ZSWIM5: variants seen among roughly 807,000 people sequenced by gnomAD.
ZSWIM5 encodes the protein zinc finger SWIM-type containing 5.
A neutral mutation model predicts 119.6 loss-of-function variants in ZSWIM5; 55 were observed. The observed-to-expected ratio is 0.46, with a 90% confidence interval of 0.37 to 0.58. The LOEUF (loss-of-function observed/expected upper bound fraction) is 0.58. Ranked by LOEUF, ZSWIM5 falls within the 20% of genes least tolerant of loss-of-function variation. The pLI, the probability that ZSWIM5 is intolerant of heterozygous loss-of-function variation, is 0.00. For missense variants in ZSWIM5, 1,193 were observed against 1,512.8 expected, an observed-to-expected ratio of 0.79 and a Z score of 3.51; for synonymous variants, 537 against 606.9, an observed-to-expected ratio of 0.88 and a Z score of 1.69.
intron 1 of ZSWIM5, among the ~76,000 whole-genome samples, chr1:45,194,770 G>A (rs1202103466): frequency 6.6e-6 from 1 of 151,876 alleles, no homozygotes; most frequent in African/African-American, 2.4e-5. Flanking sequence ...CCAGCTACTC[G>A]GGAGGCTGAG....
intron 1 of ZSWIM5, among the ~76,000 whole-genome samples, chr1:45,106,809 T>C (rs1645482770): frequency 1.3e-5 from 2 of 152,166 alleles, no homozygotes; most frequent in African/African-American, 4.8e-5. Context: ...AGAGATCAGA[T>C]TGTTACTGTG....
rs144136609 is a variant in ZSWIM5 at position 45,094,494 on chromosome 1, G to A, written c.596-6257C>T. 6.8e-3 allele frequency among the ~76,000 whole-genome samples: 1,035 copies of A among 152,170 alleles called. 11 individuals are homozygous for A. The highest frequency in any genetic ancestry group is 0.022 in the African/African-American group (924 of 41,534). On this transcript the variant is annotated intron_variant, in intron 1 of 13. Coordinates refer to ENST00000359600, the MANE Select transcript of ZSWIM5 (RefSeq NM_020883.2). ...GTGGTGGCTCATGCCTGTAATCCCA[G>A]CACTTTGGGAGCCCAAGGTGGGAGG... is the stretch of plus-strand genomic sequence containing the variant.
intron 1 of ZSWIM5, among the ~76,000 whole-genome samples, chr1:45,146,888 T>G (rs1645765165): frequency 6.6e-6 from 1 of 152,146 alleles, no homozygotes; most frequent in Non-Finnish European, 1.5e-5. Flanking sequence ...TGACCATCCT[T>G]GGTCCTACAT....
In ZSWIM5 at chr1:45,018,777, G is replaced by A. The variant is rs765171801; in HGVS notation, c.3235C>T (p.Arg1079Ter). ...CCAGGTGCAGTCACTGTGCAGCGTC[G>A]TAAGATGTCTGAAAGCACTGTGGCA... ...HCATVLSDIL[R>*]RCTVTAPGLA... Residue 1079 changes from arginine (R) to a stop codon, truncating the protein, a stop_gained, in exon 14 of 14, where the codon CGA becomes TGA. Transcript: ENST00000359600. LOFTEE classifies it high-confidence loss of function. This position sits in a 1 kb window ranked among gnomAD's most constrained non-coding sequence, Gnocchi z 6.7. 4 of 1,614,238 alleles carry A rather than the reference G, an allele frequency of 2.5e-6. No individual in the cohort carries two copies. The highest frequency in any genetic ancestry group is 3.4e-6 in the Non-Finnish European group (4 of 1,180,042).
chr1:45,125,095 G>A (rs893347617), intron 1 of ZSWIM5, among the ~76,000 whole-genome samples: 2 of 152,058 alleles, frequency 1.3e-5, no homozygotes, highest in African/African-American at 2.4e-5. Flanking sequence ...GAATTCAATC[G>A]ATATTTATAA....
In ZSWIM5 at chr1:45,040,487, T is replaced by C. The variant is rs748817609; in HGVS notation, c.1661A>G (p.Tyr554Cys). Reference sequence around the variant, plus strand: ...TGTGAGTCTGAGGGCCTCTTTTGGATAACCATGGGAACGCAGGGCGTCAAC... The same window carrying C: ...TGTGAGTCTGAGGGCCTCTTTTGGACAACCATGGGAACGCAGGGCGTCAAC... ...ARVDALRSHG[Y>C]PKEALRLTVA... The change falls in exon 7 of 14, where the codon TAT (tyrosine) becomes TGT (cysteine). Residue 554 changes from tyrosine to cysteine, a missense_variant. Around this residue, in one of 2 missense-constraint regions of ZSWIM5, gnomAD observed 961 missense variants for 1,290.0 expected, o/e 0.74. Coordinates refer to ENST00000359600, the MANE Select transcript of ZSWIM5 (RefSeq NM_020883.2). The C allele has an allele frequency of 5.0e-6, 8 of 1,612,680 alleles. No individual in the cohort carries two copies. The highest frequency in any genetic ancestry group is 6.8e-6 in the Non-Finnish European group (8 of 1,179,356).
intron 4 of ZSWIM5, among the ~76,000 whole-genome samples, chr1:45,052,701 A>G (rs1301954552): frequency 6.7e-6 from 1 of 149,256 alleles, no homozygotes; most frequent in Non-Finnish European, 1.5e-5. Flanking sequence ...TGAGCCCAGG[A>G]GGTGGAAGTT....
At chr1:45,167,054 G>A (rs1645909594) in intron 1 of ZSWIM5, among the ~76,000 whole-genome samples, 1 of 152,166 alleles carries the variant, frequency 6.6e-6, no homozygotes, top group Non-Finnish European at 1.5e-5. Context: ...GAGGCATCAT[G>A]CTACCTGACT....
chr1:45,131,045 TAGG>T (rs1229558560), intron 1 of ZSWIM5, among the ~76,000 whole-genome samples: 2 of 152,198 alleles, frequency 1.3e-5, no homozygotes, highest in East Asian at 3.8e-4. Context: ...GGTAAAATTA[TAGG>T]AGAACAGATT....
chr1:45,040,654 C>T (rs1645013423), intron 6 of ZSWIM5, 116 bp from the exon 7 acceptor site: 3 of 802,356 alleles, frequency 3.7e-6, no homozygotes, highest in Non-Finnish European at 5.6e-6. Context: ...CTGACACCTA[C>T]TGTATACCAG....
At chr1:45,066,585 A>G (rs1645185238) in intron 2 of ZSWIM5, among the ~76,000 whole-genome samples, 2 of 152,254 alleles carry the variant, frequency 1.3e-5, no homozygotes, top group South Asian at 4.1e-4. Context: ...ATTAAATACA[A>G]CTATAATAAG....
intron 1 of ZSWIM5, among the ~76,000 whole-genome samples, chr1:45,163,666 T>G (rs1645879693): frequency 6.6e-6 from 1 of 152,192 alleles, no homozygotes; most frequent in African/African-American, 2.4e-5. Flanking sequence ...GCACGAGAAC[T>G]ATGTGACGCA....
At chr1:45,033,094 C>A (rs1644962560) in intron 11 of ZSWIM5, among the ~76,000 whole-genome samples, 1 of 152,166 alleles carries the variant, frequency 6.6e-6, no homozygotes, top group Non-Finnish European at 1.5e-5. Context: ...CGCCACTCCC[C>A]ACTTGACACT....
chr1:45,035,178 C>T (rs1644975323), intron 10 of ZSWIM5, among the ~76,000 whole-genome samples: 3 of 152,200 alleles, frequency 2.0e-5, no homozygotes, highest in African/African-American at 7.2e-5. Flanking sequence ...GACTAAAATT[C>T]TTCTTCTGTA....
chr1:45,021,789 G>T (rs978901255), intron 11 of ZSWIM5, among the ~76,000 whole-genome samples: 3 of 152,146 alleles, frequency 2.0e-5, no homozygotes, highest in Non-Finnish European at 4.4e-5. Context: ...GGAGGCTGAG[G>T]TGGGTGAATC....
intron 5 of ZSWIM5, among the ~76,000 whole-genome samples, chr1:45,043,751 G>A (rs1645030534): frequency 6.6e-6 from 1 of 152,192 alleles, no homozygotes; most frequent in Non-Finnish European, 1.5e-5. Context: ...TAGCCACTCA[G>A]TCATGAAGAC....
At chr1:45,039,181 TA>T in intron 7 of ZSWIM5, 108 bp from the exon 8 acceptor site, 1 of 1,339,308 alleles carries the variant, frequency 7.5e-7, no homozygotes, top group Non-Finnish European at 1.0e-6. Flanking sequence ...GAGAGTCAAA[TA>T]AAAGCTTCTC....
chr1:45,034,269 G>A (rs755878718), intron 11 of ZSWIM5, 43 bp downstream of exon 11: 1 of 1,532,466 alleles, frequency 6.5e-7, no homozygotes, highest in Non-Finnish European at 8.8e-7. Context: ...TGGTTGGGCA[G>A]GCAGACGGGT....
intron 1 of ZSWIM5, among the ~76,000 whole-genome samples, chr1:45,139,995 C>T (rs550672426): frequency 4.1e-4 from 63 of 152,054 alleles, no homozygotes; most frequent in Non-Finnish European, 8.5e-4. Flanking sequence ...GAAAATACAA[C>T]TATTAAAAGA....
Sources: allele counts gnomAD v4.1 joint callset (sites outside exome capture counted in the v4.1 genomes callset), GRCh38; gene constraint gnomAD v4.1.1; regional missense constraint gnomAD v4.1.1; non-coding constraint Gnocchi (gnomAD v3.1); transcripts MANE v1.5; gene names NCBI Gene and HGNC (gene_info 2026-07-23, HGNC 2026-07-21).